The following ZNF33B variants were observed in gnomAD, a reference collection of about 807,000 sequenced individuals.
The protein encoded by ZNF33B is zinc finger protein 33B.
ZNF33B carries 29 observed loss-of-function variants against 45.8 expected under a neutral mutation model. The observed-to-expected ratio is 0.63, with a 90% confidence interval of 0.47 to 0.86. The LOEUF (loss-of-function observed/expected upper bound fraction) is 0.86, where lower values mean the gene tolerates loss of function less well. Among genes scored for constraint, ZNF33B ranks in the 40% least tolerant of loss-of-function variants. The probability of loss-of-function intolerance (pLI) is 0.00; values close to 1 mark genes in which losing one functional copy is unlikely to be tolerated. For missense variants in ZNF33B, 831 were observed against 909.9 expected, an observed-to-expected ratio of 0.91 and a Z score of 1.12; for synonymous variants, 305 against 307.8, an observed-to-expected ratio of 0.99 and a Z score of 0.10.
At chr10:42,615,144 C>T (rs1454011405) in intron 4 of ZNF33B, among the ~76,000 whole-genome samples, 2 of 152,134 alleles carry the variant, frequency 1.3e-5, no homozygotes, top group African/African-American at 2.4e-5. Context: ...ACTGTGGCTA[C>T]TATGAGAAAC....
At chr10:42,628,919 G>A (rs1457493192) in intron 4 of ZNF33B, among the ~76,000 whole-genome samples, 3 of 152,080 alleles carry the variant, frequency 2.0e-5, no homozygotes, top group Non-Finnish European at 4.4e-5. Context: ...AAAACTAAAA[G>A]TAGAGCTATC....
intron 4 of ZNF33B, among the ~76,000 whole-genome samples, chr10:42,595,107 C>G (rs917139568): frequency 2.2e-4 from 33 of 152,124 alleles, no homozygotes; most frequent in African/African-American, 2.4e-5. Flanking sequence ...GAGAATATTA[C>G]TCATTTCAAA....
chr10:42,594,699 T>C lies in ZNF33B; in HGVS notation c.251A>G (p.Glu84Gly). The part of the protein sequence containing the change: ...EEEFPSQSFP[E>G]VWTADHLKER... ...TTTCAGGTGATCAGCTGTCCAGACT[T>C]CTACAAACAAACAAAATTAATCTTA... The change falls in exon 5 of 5, where the codon GAA becomes GGA. Residue 84 changes from glutamate to glycine, a missense_variant and splice_region_variant. Transcript: ENST00000359467. 2.6e-6 allele frequency: 4 copies of C among 1,548,164 alleles called. No individual in the cohort carries two copies. Among genetic ancestry groups the C allele is most frequent in the Non-Finnish European group, 3.5e-6 (4 of 1,154,964 alleles).
At chr10:42,617,473 G>C (rs1184985466) in intron 4 of ZNF33B, among the ~76,000 whole-genome samples, 1 of 152,086 alleles carries the variant, frequency 6.6e-6, no homozygotes, top group Non-Finnish European at 1.5e-5. Flanking sequence ...CCCTCACCCA[G>C]TTTTCTCCAT....
chr10:42,593,518 A>G lies in ZNF33B; in HGVS notation c.1432T>C (p.Phe478Leu). The G allele has an allele frequency of 6.2e-7, 1 of 1,614,076 alleles. No homozygotes were observed. The highest frequency in any genetic ancestry group is 8.5e-7 in the Non-Finnish European group (1 of 1,179,976). ...PFECLECGKS[F>L]CQKSHLTQHQ... Reference sequence around the variant, plus strand: ...TGTGTAAGATGTGACTTTTGACAAAAGGATTTCCCACACTCAAGACATTCA... The same window carrying G: ...TGTGTAAGATGTGACTTTTGACAAAGGGATTTCCCACACTCAAGACATTCA... Residue 478 changes from phenylalanine (F) to leucine (L), a missense_variant, in exon 5 of 5, where the codon TTT becomes CTT. By Grantham distance (22) the Phe-to-Leu change is conservative (BLOSUM62 0). Transcript: ENST00000359467.
chr10:42,603,716 A>C (rs918385539), intron 4 of ZNF33B, among the ~76,000 whole-genome samples: 2 of 152,204 alleles, frequency 1.3e-5, no homozygotes, highest in Non-Finnish European at 2.9e-5. Flanking sequence ...ATATGTCAGC[A>C]ATCAGTAGCG....
chr10:42,625,085 A>G (rs997529816), intron 4 of ZNF33B, among the ~76,000 whole-genome samples: 1 of 150,842 alleles, frequency 6.6e-6, no homozygotes, highest in African/African-American at 2.4e-5. Flanking sequence ...ATTTATGGAA[A>G]TTTTGGAATA....
At chr10:42,629,021 G>A (rs910916221) in intron 4 of ZNF33B, among the ~76,000 whole-genome samples, 7 of 152,192 alleles carry the variant, frequency 4.6e-5, no homozygotes, top group African/African-American at 1.7e-4. Context: ...GTTTACTGCA[G>A]CACTGTTCAC....
downstream of ZNF33B, among the ~76,000 whole-genome samples, chr10:42,585,047 C>G (rs1836903750): frequency 6.6e-6 from 1 of 152,120 alleles, no homozygotes; most frequent in Admixed American, 6.6e-5. Context: ...GTAGTGTGAC[C>G]CACAGGAGGA....
At chr10:42,638,150 C>G (rs935159838) in intron 1 of ZNF33B, among the ~76,000 whole-genome samples, 6 of 152,252 alleles carry the variant, frequency 3.9e-5, no homozygotes, top group African/African-American at 1.4e-4. Context: ...TAGGGCCGCG[C>G]CCTAGCACAT....
At chr10:42,606,704 A>G (rs1373956991) in intron 4 of ZNF33B, among the ~76,000 whole-genome samples, 4 of 152,048 alleles carry the variant, frequency 2.6e-5, no homozygotes, top group African/African-American at 7.2e-5. Flanking sequence ...GGCAAGGGGA[A>G]GAAACTTAAG....
intron 4 of ZNF33B, among the ~76,000 whole-genome samples, chr10:42,613,797 C>G (rs1218762546): frequency 1.3e-5 from 2 of 152,208 alleles, no homozygotes; most frequent in Non-Finnish European, 2.9e-5. Flanking sequence ...GTTCTGTCAG[C>G]TGAGACAGCC....
At chr10:42,611,459 C>T (rs1184125632) in intron 4 of ZNF33B, among the ~76,000 whole-genome samples, 6 of 152,090 alleles carry the variant, frequency 3.9e-5, no homozygotes, top group African/African-American at 1.4e-4. Flanking sequence ...CAAAAACTAA[C>T]TGAAAATGGA....
At chr10:42,600,295 A>G (rs1476509387) in intron 4 of ZNF33B, among the ~76,000 whole-genome samples, 5 of 152,144 alleles carry the variant, frequency 3.3e-5, no homozygotes, top group Non-Finnish European at 7.4e-5. Flanking sequence ...AGGATGCTAA[A>G]GCCTCTGATT....
intron 1 of ZNF33B, among the ~76,000 whole-genome samples, chr10:42,583,841 C>T (rs1342268122): frequency 2.0e-5 from 3 of 152,126 alleles, no homozygotes; most frequent in Non-Finnish European, 2.9e-5. Context: ...GAACCTCTTA[C>T]GTCTTCTGAC....
intron 4 of ZNF33B, among the ~76,000 whole-genome samples, chr10:42,599,377 A>C (rs1837531248): frequency 2.0e-5 from 3 of 151,658 alleles, no homozygotes; most frequent in Admixed American, 2.0e-4. Flanking sequence ...ACATTCTCAA[A>C]GTGGAATTAG....
intron 4 of ZNF33B, among the ~76,000 whole-genome samples, chr10:42,621,651 A>C (rs1838597713): frequency 6.6e-6 from 1 of 152,224 alleles, no homozygotes; most frequent in South Asian, 2.1e-4. Flanking sequence ...GACAAAATCC[A>C]ACCCCTTTCA....
In ZNF33B at chr10:42,594,211, A is replaced by G; in HGVS notation, c.739T>C (p.Cys247Arg). Residue 247 changes from cysteine (C) to arginine (R), a missense_variant, in exon 5 of 5, where the codon TGT (cysteine) becomes CGT (arginine). Physicochemically the swap from Cys to Arg is radical, Grantham distance 180. Transcript: ENST00000359467. ...GTTCTCCCAAATTCATTATAGTCAC[A>G]GTTATTCTCTTCTGCATTCTCTCTC... The part of the protein sequence containing the change: ...RKRENAEENN[C>R]DYNEFGRTFC... The G allele has an allele frequency of 6.2e-7, 1 of 1,613,748 alleles. No individual in the cohort carries two copies. The highest frequency in any genetic ancestry group is 8.5e-7 in the Non-Finnish European group (1 of 1,179,920).
chr10:42,575,362 C>G (rs1192298922), intron 1 of ZNF33B, among the ~76,000 whole-genome samples: 1 of 152,060 alleles, frequency 6.6e-6, no homozygotes, highest in Non-Finnish European at 1.5e-5. Context: ...TGAGAAACCA[C>G]CAGGAGCCTG....
Sources: allele counts gnomAD v4.1 joint callset (sites outside exome capture counted in the v4.1 genomes callset), GRCh38; gene constraint gnomAD v4.1.1; transcripts MANE v1.5; gene names NCBI Gene and HGNC (gene_info 2026-07-23, HGNC 2026-07-21).